Variants in SRPK2 observed in about 807,000 individuals in gnomAD.
The protein encoded by SRPK2 is SFRS protein kinase 2.
A neutral mutation model predicts 90.8 loss-of-function variants in SRPK2; 21 were observed. That is an observed-to-expected ratio of 0.23 (90% CI 0.16 to 0.33). The LOEUF (loss-of-function observed/expected upper bound fraction) is 0.33. SRPK2 is among the 10% of genes least tolerant of loss of function. SRPK2 has a pLI of 1.00. For missense variants in SRPK2, 620 were observed against 869.0 expected (o/e 0.71, Z 3.60); for synonymous variants, 288 against 311.1 (o/e 0.93, Z 0.78).
At chr7:105,280,188 G>A in intron 2 of SRPK2, among the ~76,000 whole-genome samples, 1 of 152,122 alleles carries the variant, frequency 6.6e-6, no homozygotes, top group African/African-American at 2.4e-5. Flanking sequence ...GCTGAAGTGG[G>A]CAGATTGCTT....
At chr7:105,358,680 C>T (rs1028174489) in intron 2 of SRPK2, among the ~76,000 whole-genome samples, 1 of 151,616 alleles carries the variant, frequency 6.6e-6, no homozygotes, top group African/African-American at 2.4e-5. Context: ...AACAAGAGAC[C>T]CTGTCTCAAA....
chr7:105,308,009 C>T (rs931502867), intron 2 of SRPK2, among the ~76,000 whole-genome samples: 5 of 152,066 alleles, frequency 3.3e-5, no homozygotes, highest in African/African-American at 1.2e-4. Context: ...AGTATTTTTG[C>T]AAAGTGCTTG....
At chr7:105,276,459 T>C (rs1806507053) in intron 2 of SRPK2, among the ~76,000 whole-genome samples, 1 of 151,820 alleles carries the variant, frequency 6.6e-6, no homozygotes, top group East Asian at 1.9e-4. Context: ...CAAATGCAGC[T>C]GGTCAAGGTG....
intron 2 of SRPK2, among the ~76,000 whole-genome samples, chr7:105,312,839 G>A (rs1217025006): frequency 2.6e-5 from 4 of 152,136 alleles, no homozygotes; most frequent in African/African-American, 7.2e-5. Context: ...GTCTCACTAT[G>A]TTCCCCACTC....
chr7:105,121,524 C>G (rs766079928), intron 15 of SRPK2, among the ~76,000 whole-genome samples: 3 of 152,198 alleles, frequency 2.0e-5, no homozygotes, highest in Non-Finnish European at 4.4e-5. Context: ...TATCACTTCA[C>G]CCTTCCTGTG....
chr7:105,125,519 T>C (rs1801061473), intron 15 of SRPK2, among the ~76,000 whole-genome samples: 1 of 152,182 alleles, frequency 6.6e-6, no homozygotes, highest in African/African-American at 2.4e-5. Flanking sequence ...CCTAAACTCC[T>C]TTTTATAAAT....
In SRPK2 at chr7:105,203,675, A is replaced by C; in HGVS notation, c.182T>G (p.Leu61Arg). The C allele has an allele frequency of 6.4e-7, 1 of 1,557,884 alleles. No homozygotes were observed. Among genetic ancestry groups the C allele is most frequent in the Non-Finnish European group, 8.7e-7 (1 of 1,155,588 alleles). Reference protein sequence around the residue: ...PTPPEPEEEILGSDDEEQEDP... With the variant: ...PTPPEPEEEIRGSDDEEQEDP... ...CTCTTGCTCCTCATCATCTGATCCC[A>C]GGATCTCCTCCTCTGGCTCCGGGGG... Residue 61 changes from leucine (L) to arginine (R), a missense_variant, in exon 3 of 16, where the codon CTG (leucine) becomes CGG (arginine). Coordinates refer to ENST00000393651, the MANE Select transcript of SRPK2 (RefSeq NM_182692.3).
At chr7:105,147,272 T>C (rs2129577730) in intron 7 of SRPK2, among the ~76,000 whole-genome samples, 1 of 152,300 alleles carries the variant, frequency 6.6e-6, no homozygotes, top group Non-Finnish European at 1.5e-5. Flanking sequence ...TACAATTCAA[T>C]GGATTTTAGA....
chr7:105,148,073 G>A (rs543717412), intron 7 of SRPK2, among the ~76,000 whole-genome samples: 2 of 152,156 alleles, frequency 1.3e-5, no homozygotes, highest in African/African-American at 4.8e-5. Context: ...GCTTTTTGAT[G>A]AACTGCCAAA....
chr7:105,342,680 GC>G (rs916396684), intron 2 of SRPK2, among the ~76,000 whole-genome samples: 10 of 151,982 alleles, frequency 6.6e-5, no homozygotes, highest in African/African-American at 9.7e-5. Context: ...TCTCCTCCAT[GC>G]CCCCGTATAT....
chr7:105,158,067 A>G (rs1288931505), intron 7 of SRPK2, among the ~76,000 whole-genome samples: 1 of 152,156 alleles, frequency 6.6e-6, no homozygotes, highest in Non-Finnish European at 1.5e-5. Context: ...CCTGTCTCAA[A>G]AAACAAAAAC....
upstream of SRPK2, chr7:105,388,959 G>A (rs896361863): frequency 1.7e-6 from 2 of 1,147,536 alleles, no homozygotes; most frequent in African/African-American, 1.7e-5. Context: ...CAGGGACCCA[G>A]CAAGACCCGC....
At chr7:105,295,545 T>C (rs982180912) in intron 2 of SRPK2, among the ~76,000 whole-genome samples, 17 of 152,348 alleles carry the variant, frequency 1.1e-4, no homozygotes, top group Non-Finnish European at 1.8e-4. Context: ...TGTTTAACTC[T>C]GCTTATATGT....
intron 2 of SRPK2, among the ~76,000 whole-genome samples, chr7:105,386,786 AGT>A (rs1821666632): frequency 6.6e-6 from 1 of 152,218 alleles, no homozygotes; most frequent in Non-Finnish European, 1.5e-5. Flanking sequence ...TGCCTCAATC[AGT>A]TATATAATTG....
intron 2 of SRPK2, among the ~76,000 whole-genome samples, chr7:105,334,896 G>A (rs1261663499): frequency 2.7e-5 from 4 of 150,128 alleles, no homozygotes; most frequent in South Asian, 4.2e-4. Flanking sequence ...TTGGCTGGGC[G>A]CAGTAGCTTA....
intron 2 of SRPK2, among the ~76,000 whole-genome samples, chr7:105,379,561 G>A (rs967411116): frequency 2.7e-4 from 41 of 152,176 alleles, no homozygotes; most frequent in African/African-American, 9.9e-4. Context: ...AGGTGGTAGA[G>A]TATAGACTCG....
At chr7:105,147,383 T>C (rs1804802357) in intron 7 of SRPK2, among the ~76,000 whole-genome samples, 1 of 152,198 alleles carries the variant, frequency 6.6e-6, no homozygotes, top group Non-Finnish European at 1.5e-5. Flanking sequence ...AGTGGCACAA[T>C]CTTGGCTCAC....
upstream of SRPK2, chr7:105,389,263 C>A (rs376019000): frequency 7.9e-7 from 1 of 1,268,752 alleles, no homozygotes; most frequent in South Asian, 1.3e-5. Flanking sequence ...TCGCGCCGCC[C>A]GCTGCTCCAT....
chr7:105,196,607 G>A (rs1794945005), intron 3 of SRPK2, among the ~76,000 whole-genome samples: 3 of 152,190 alleles, frequency 2.0e-5, no homozygotes, highest in Non-Finnish European at 1.5e-5. Flanking sequence ...TGGACTCCCA[G>A]GGGTCAAAAC....
Sources: allele counts gnomAD v4.1 joint callset (sites outside exome capture counted in the v4.1 genomes callset), GRCh38; gene constraint gnomAD v4.1.1; transcripts MANE v1.5; gene names NCBI Gene and HGNC (gene_info 2026-07-23, HGNC 2026-07-21).